Variants in SNX16 observed in about 807,000 individuals in gnomAD.
SNX16 encodes the protein sorting nexin 16.
Under a neutral mutation model 36.7 loss-of-function variants are expected in SNX16, and 35 were observed. That is an observed-to-expected ratio of 0.95 (90% CI 0.73 to 1.27). SNX16 has a LOEUF of 1.27. Among genes scored for constraint, SNX16 ranks in the 50% most tolerant of loss-of-function variants. SNX16 has a pLI of 0.00. For synonymous variants in SNX16, 134 were observed against 132.0 expected (o/e 1.02, Z -0.10); for missense variants, 367 against 393.6 (o/e 0.93, Z 0.57).
intron 5 of SNX16, among the ~76,000 whole-genome samples, chr8:81,807,208 G>A (rs1182902840): frequency 6.6e-6 from 1 of 151,910 alleles, no homozygotes; most frequent in Non-Finnish European, 1.5e-5. Context: ...TACCAGCAGA[G>A]GGATGAGACT....
chr8:81,815,490 A>C (rs1189210560), intron 4 of SNX16, 96 bp from the exon 5 acceptor site: 15 of 902,062 alleles, frequency 1.7e-5, no homozygotes, highest in Non-Finnish European at 2.4e-5. Flanking sequence ...AGTGTTTTAA[A>C]CAAGTTGGTT....
chr8:81,819,508 C>A lies in SNX16; in HGVS notation c.612-4114G>T, dbSNP rs1163920076. On this transcript the variant is annotated intron_variant, in intron 4 of 7. Coordinates refer to ENST00000345957, the MANE Select transcript of SNX16 (RefSeq NM_152836.3). Reference sequence around the variant, plus strand: ...TCTTTAAAGTGCAGTTCAACTATCACCCTCTGCGAAACCTTTTCTAATTTT... The same window carrying A: ...TCTTTAAAGTGCAGTTCAACTATCAACCTCTGCGAAACCTTTTCTAATTTT... 2.0e-5 allele frequency among the ~76,000 whole-genome samples: 3 copies of A among 152,010 alleles called. No homozygotes were observed. In the East Asian group the frequency reaches 5.8e-4, roughly 29 times the overall value.
intron 2 of SNX16, among the ~76,000 whole-genome samples, chr8:81,839,316 T>C (rs1221662563): frequency 1.3e-5 from 2 of 152,110 alleles, no homozygotes; most frequent in African/African-American, 2.4e-5. Flanking sequence ...TACAAAAGTA[T>C]TGGGTGAATG....
At chr8:81,802,620 T>C (rs1809755588) in intron 6 of SNX16, 121 bp from the exon 7 acceptor site, 3 of 665,806 alleles carry the variant, frequency 4.5e-6, no homozygotes, top group Non-Finnish European at 4.7e-6. Flanking sequence ...GTTACATAGC[T>C]AATAAATAGC....
intron 5 of SNX16, among the ~76,000 whole-genome samples, chr8:81,805,458 C>A (rs150705563): frequency 0.012 from 1,815 of 151,986 alleles, 31 homozygotes; most frequent in African/African-American, 0.042. Flanking sequence ...AATTAAGAGA[C>A]AGGAAAAGAA....
chr8:81,808,996 T>G (rs1353539617), intron 5 of SNX16, among the ~76,000 whole-genome samples: 1 of 152,194 alleles, frequency 6.6e-6, no homozygotes, highest in Non-Finnish European at 1.5e-5. Context: ...GTAGTTTTTT[T>G]TTTTTTGCAC....
intron 3 of SNX16, among the ~76,000 whole-genome samples, chr8:81,828,636 C>T (rs1056271432): frequency 6.6e-6 from 1 of 152,166 alleles, no homozygotes; most frequent in Non-Finnish European, 1.5e-5. Flanking sequence ...GATTTTGCAG[C>T]TGTAATTAAG....
chr8:81,810,105 T>C (rs1026011389), intron 5 of SNX16, among the ~76,000 whole-genome samples: 3 of 152,126 alleles, frequency 2.0e-5, no homozygotes, highest in African/African-American at 4.8e-5. Context: ...TTTGTACTTA[T>C]AATTCATATA....
intron 2 of SNX16, among the ~76,000 whole-genome samples, chr8:81,835,379 C>A (rs1811448967): frequency 6.6e-6 from 1 of 152,214 alleles, no homozygotes; most frequent in Non-Finnish European, 1.5e-5. Flanking sequence ...TGGGGATTAA[C>A]ATTGGGTTCC....
At chr8:81,801,770 T>C (rs980363681) in intron 7 of SNX16, among the ~76,000 whole-genome samples, 177 bp from the exon 8 acceptor site, 2 of 151,720 alleles carry the variant, frequency 1.3e-5, no homozygotes, top group African/African-American at 4.8e-5. Context: ...TATATTTAAG[T>C]TGTCATTGCC....
intron 2 of SNX16, among the ~76,000 whole-genome samples, chr8:81,835,822 G>A (rs777777837): frequency 6.6e-6 from 1 of 152,180 alleles, no homozygotes; most frequent in Non-Finnish European, 1.5e-5. Context: ...AGTCTCACAT[G>A]CTGGCAGACA....
intron 5 of SNX16, among the ~76,000 whole-genome samples, chr8:81,809,815 T>C (rs1006706430): frequency 2.2e-4 from 34 of 152,174 alleles, no homozygotes; most frequent in Admixed American, 9.8e-4. Flanking sequence ...AATGAAACAA[T>C]TGTATTCCTA....
chr8:81,825,830 C>G (rs1810991999), intron 3 of SNX16, among the ~76,000 whole-genome samples: 1 of 151,968 alleles, frequency 6.6e-6, no homozygotes, highest in African/African-American at 2.4e-5. Flanking sequence ...TAGAGAATAA[C>G]TTAGATAACT....
At chr8:81,813,966 A>G (rs1810373270) in intron 5 of SNX16, among the ~76,000 whole-genome samples, 1 of 152,076 alleles carries the variant, frequency 6.6e-6, no homozygotes, top group South Asian at 2.1e-4. Context: ...CTCGTACAGT[A>G]CAAGTGAGAA....
Position 81,803,127 on chromosome 8 carries a change from C to A in SNX16, c.783G>T (p.Lys261Asn). 1 of 1,611,100 alleles carries A rather than the reference C, an allele frequency of 6.2e-7. No individual in the cohort carries two copies. The highest frequency in any genetic ancestry group is 1.1e-5 in the South Asian group (1 of 90,542). Residue 261 changes from lysine (K) to asparagine (N), a missense_variant, in exon 6 of 8, where the codon AAG (lysine) becomes AAT (asparagine). Physicochemically the swap from Lys to Asn is moderately conservative, Grantham distance 94. Coordinates refer to ENST00000345957, the MANE Select transcript of SNX16 (RefSeq NM_152836.3). ...TCTCTAAAGTGTCTATATGAAGTTG[C>A]TTCTCACTGAGCAGTTTCTTTAGTG... ...MESLKKLLSE[K>N]QLHIDTLENR...
intron 5 of SNX16, among the ~76,000 whole-genome samples, chr8:81,803,564 C>G (rs1809803038): frequency 6.6e-6 from 1 of 151,946 alleles, no homozygotes; most frequent in Admixed American, 6.6e-5. Flanking sequence ...AGTTTTTACT[C>G]TCTTTAATCT....
At chr8:81,809,439 T>TA (rs34562465) in intron 5 of SNX16, among the ~76,000 whole-genome samples, 36,607 of 146,774 alleles carry the variant, frequency 0.25, 4,894 homozygotes, top group East Asian at 0.37. Flanking sequence ...TTAATTCTCT[T>TA]AAAAAAAAAA....
chr8:81,802,987 T>C, intron 6 of SNX16, 105 bp downstream of exon 6: 2 of 1,071,972 alleles, frequency 1.9e-6, no homozygotes, highest in Non-Finnish European at 1.3e-6. Flanking sequence ...CCTACAACTT[T>C]CAGAATCAGA....
At chr8:81,830,679 G>T (rs780717118) in intron 2 of SNX16, among the ~76,000 whole-genome samples, 4 of 151,396 alleles carry the variant, frequency 2.6e-5, no homozygotes, top group Non-Finnish European at 4.4e-5. Context: ...CATTAAAATG[G>T]CCACACTGCC....
Sources: allele counts gnomAD v4.1 joint callset (sites outside exome capture counted in the v4.1 genomes callset), GRCh38; gene constraint gnomAD v4.1.1; transcripts MANE v1.5; gene names NCBI Gene and HGNC (gene_info 2026-07-23, HGNC 2026-07-21).